The following LIN9 variants were observed in gnomAD, a reference collection of about 807,000 sequenced individuals.
LIN9 encodes lin-9 DREAM MuvB core complex component.
LIN9 carries 18 observed loss-of-function variants against 78.0 expected under a neutral mutation model. The observed-to-expected ratio is 0.23, with a 90% CI of 0.16 to 0.34. The LOEUF (loss-of-function observed/expected upper bound fraction) is 0.34, where lower values mean the gene tolerates loss of function less well. Among genes scored for constraint, LIN9 ranks in the 10% least tolerant of loss-of-function variants. The pLI is 1.00. For synonymous variants in LIN9, 192 were observed against 215.2 expected, an observed-to-expected ratio of 0.89 and a Z score of 0.94; for missense variants, 451 against 644.1, an observed-to-expected ratio of 0.70 and a Z score of 3.25.
chr1:226,276,864 A>G (rs1346893083), intron 7 of LIN9, among the ~76,000 whole-genome samples: 2 of 152,174 alleles, frequency 1.3e-5, no homozygotes, highest in Non-Finnish European at 2.9e-5. Flanking sequence ...TAAAACGGAC[A>G]AAATTTACAC....
chr1:226,305,315 G>GAAAAAA (rs111859953), intron 1 of LIN9, among the ~76,000 whole-genome samples: 1 of 77,504 alleles, frequency 1.3e-5, no homozygotes, highest in African/African-American at 4.9e-5. Flanking sequence ...ACAAAAAAAA[G>GAAAAAA]AAAAAAAAAA....
chr1:226,273,803 C>G lies in LIN9; in HGVS notation c.682+3972G>C, dbSNP rs1660456847. 1.3e-5 allele frequency among the ~76,000 whole-genome samples: 2 copies of G among 150,372 alleles called. 1 individual carries two copies. The highest frequency in any genetic ancestry group is 4.2e-4 in the South Asian group (2 of 4,746). ...ACTAAAGTTTTTGAGCCACAATGGG[C>G]TAGGAACTACAATGCTCCCTCTCAA... On this transcript the variant is annotated intron_variant, in intron 7 of 14. Coordinates refer to ENST00000681046, the MANE Select transcript of LIN9 (RefSeq NM_001366245.2).
chr1:226,299,725 T>A (rs1002510130), intron 2 of LIN9, among the ~76,000 whole-genome samples: 2 of 152,244 alleles, frequency 1.3e-5, no homozygotes, highest in African/African-American at 4.8e-5. Flanking sequence ...AATATTTAGC[T>A]TGGTTCCAAA....
At chr1:226,246,452 A>AT (rs1658481409) in intron 11 of LIN9, among the ~76,000 whole-genome samples, 1 of 151,842 alleles carries the variant, frequency 6.6e-6, no homozygotes, top group East Asian at 1.9e-4. Context: ...GTACTCTAAC[A>AT]TTTTTTCACT....
intron 10 of LIN9, among the ~76,000 whole-genome samples, chr1:226,259,558 C>T (rs1470931068): frequency 6.6e-6 from 1 of 152,104 alleles, no homozygotes; most frequent in Non-Finnish European, 1.5e-5. Flanking sequence ...CAAAACATAC[C>T]TTAACAAAAT....
At chr1:226,291,393 T>C (rs971481338) in intron 4 of LIN9, among the ~76,000 whole-genome samples, 14 of 152,006 alleles carry the variant, frequency 9.2e-5, no homozygotes, top group African/African-American at 2.4e-4. Flanking sequence ...GAATGACACA[T>C]GGCACAATAC....
chr1:226,303,006 T>C (rs1378451548), intron 1 of LIN9, among the ~76,000 whole-genome samples: 1 of 152,216 alleles, frequency 6.6e-6, no homozygotes, highest in Non-Finnish European at 1.5e-5. Context: ...GAAGAATAGT[T>C]AACAGGACAC....
intron 7 of LIN9, among the ~76,000 whole-genome samples, chr1:226,271,374 T>C (rs928039362): frequency 5.3e-5 from 8 of 152,228 alleles, no homozygotes; most frequent in African/African-American, 1.9e-4. Context: ...AGGAAAAATC[T>C]ACTACTCTTT....
chr1:226,309,596 A>G (rs1663173841), upstream of LIN9: 5 of 1,232,956 alleles, frequency 4.1e-6, no homozygotes, highest in Non-Finnish European at 5.3e-6. Flanking sequence ...GCATTGCCCG[A>G]GGGGGCTCTA....
intron 6 of LIN9, 123 bp downstream of exon 6, chr1:226,286,210 G>A: frequency 6.4e-6 from 6 of 938,178 alleles, no homozygotes; most frequent in Non-Finnish European, 7.8e-6. Flanking sequence ...GCATACTACA[G>A]CCCTGAACCC....
chr1:226,279,608 C>CAAAAAAAAAAA (rs56886138), intron 6 of LIN9, among the ~76,000 whole-genome samples: 5 of 64,814 alleles, frequency 7.7e-5, no homozygotes, highest in African/African-American at 2.1e-4. Context: ...GCCAAAAATA[C>CAAAAAAAAAAA]AAAAAAAAAA....
At chr1:226,238,924 T>G (rs1463348735) in intron 12 of LIN9, 47 bp downstream of exon 12, 2 of 1,575,394 alleles carry the variant, frequency 1.3e-6, no homozygotes, top group Non-Finnish European at 1.7e-6. Context: ...GTAAAAGGAT[T>G]AAGCTTCAAA....
chr1:226,256,297 ACTT>A (rs766088017), intron 10 of LIN9, among the ~76,000 whole-genome samples: 17 of 152,220 alleles, frequency 1.1e-4, no homozygotes, highest in East Asian at 5.8e-4. Context: ...ACTTCATCTG[ACTT>A]CTTCTTAGAA....
At position 226,271,335 on chromosome 1, in the gene LIN9, CTT is replaced by C. The variant is rs545612421; in HGVS notation, c.683-3247_683-3246del. Reference sequence around the variant, plus strand: ...TACAGCAAAATCCCTAATAGAGTGACTTTTTAATTCTTTTGGCTCTTGTTTTT... The same window carrying C: ...TACAGCAAAATCCCTAATAGAGTGACTTTAATTCTTTTGGCTCTTGTTTTT... On this transcript the variant is annotated intron_variant, in intron 7 of 14. Coordinates refer to ENST00000681046, the MANE Select transcript of LIN9 (RefSeq NM_001366245.2). Among the ~76,000 whole-genome samples, 7 of 152,250 alleles carry C rather than the reference CTT, an allele frequency of 4.6e-5. No homozygotes were observed. The East Asian group carries it at 9.6e-4, about 21-fold the overall frequency.
At chr1:226,254,735 C>T (rs1659074079) in intron 10 of LIN9, among the ~76,000 whole-genome samples, 2 of 151,760 alleles carry the variant, frequency 1.3e-5, no homozygotes. Flanking sequence ...CACGGTGAAA[C>T]CCCATCTCTA....
At chr1:226,309,736 C>A (rs771714438), upstream of LIN9, 710 of 1,287,582 alleles carry the variant, frequency 5.5e-4, 3 homozygotes, top group Admixed American at 8.3e-4. Flanking sequence ...GTCCCAGCGG[C>A]CCCTCGCGAT....
At chr1:226,275,691 CAGAAAAAAAAAAAA>C (rs1660606433) in intron 7 of LIN9, among the ~76,000 whole-genome samples, 1 of 43,446 alleles carries the variant, frequency 2.3e-5, no homozygotes, top group South Asian at 7.5e-4. Flanking sequence ...GACTCCGTCT[CAGAAAAAAAAAAAA>C]AAAAAAAGAA....
intron 12 of LIN9, among the ~76,000 whole-genome samples, chr1:226,234,938 C>A (rs952334035): frequency 6.8e-6 from 1 of 147,662 alleles, no homozygotes. Context: ...GTTGCCCAGG[C>A]TGGAGTGCAG....
chr1:226,248,684 T>C (rs1658637967), intron 11 of LIN9, among the ~76,000 whole-genome samples: 1 of 152,180 alleles, frequency 6.6e-6, no homozygotes, highest in Admixed American at 6.5e-5. Context: ...CCATTTTGCA[T>C]GAAAATAATT....
Sources: allele counts gnomAD v4.1 joint callset (sites outside exome capture counted in the v4.1 genomes callset), GRCh38; gene constraint gnomAD v4.1.1; transcripts MANE v1.5; gene names NCBI Gene and HGNC (gene_info 2026-07-23, HGNC 2026-07-21).